AGBL3: variants seen among roughly 807,000 people sequenced by gnomAD.
AGBL3 encodes cytosolic carboxypeptidase 3.
AGBL3 carries 68 observed loss-of-function variants against 94.5 expected under a neutral mutation model. The observed-to-expected ratio is 0.72, with a 90% confidence interval of 0.59 to 0.88. The LOEUF (loss-of-function observed/expected upper bound fraction) is 0.88. AGBL3 is among the 40% of genes least tolerant of loss of function. AGBL3 has a pLI of 0.00. For missense variants in AGBL3, 934 were observed against 1,103.8 expected (o/e 0.85, Z 2.18); for synonymous variants, 354 against 370.7 (o/e 0.95, Z 0.52).
In AGBL3 at chr7:135,034,405, C is replaced by G; in HGVS notation, c.814C>G (p.Gln272Glu). 1.9e-6 allele frequency: 3 copies of G among 1,551,678 alleles called. No individual in the cohort carries two copies. Among genetic ancestry groups the G allele is most frequent in the Non-Finnish European group, 2.6e-6 (3 of 1,146,976 alleles). Residue 272 changes from glutamine to glutamate, a missense_variant, in exon 7 of 17, where the codon CAA becomes GAA. Coordinates refer to ENST00000436302, the MANE Select transcript of AGBL3 (RefSeq NM_178563.4). ...QIKYYRNNPG[Q>E]DGRHYFSLTW... ...CAAGTATTATAGGAACAACCCAGGC[C>G]AAGATGGGCGCCATTATTTCTCTCT...
At chr7:135,090,411 T>C (rs1821684819) in intron 15 of AGBL3, among the ~76,000 whole-genome samples, 1 of 152,122 alleles carries the variant, frequency 6.6e-6, no homozygotes, top group Non-Finnish European at 1.5e-5. Flanking sequence ...GGGTGGGGCA[T>C]CTCAGCTCAG....
At chr7:135,027,824 A>C (rs1815313278) in intron 5 of AGBL3, among the ~76,000 whole-genome samples, 1 of 151,704 alleles carries the variant, frequency 6.6e-6, no homozygotes, top group African/African-American at 2.4e-5. Context: ...CATTACATAC[A>C]TATAACAAAA....
chr7:134,989,352 T>C (rs1234259225), intron 3 of AGBL3, 42 bp downstream of exon 3: 1 of 1,346,240 alleles, frequency 7.4e-7, no homozygotes, highest in Non-Finnish European at 1.0e-6. Flanking sequence ...CATAAAACTT[T>C]GAATGGATAA....
At chr7:135,032,008 C>G (rs1815794107) in intron 5 of AGBL3, among the ~76,000 whole-genome samples, 1 of 152,092 alleles carries the variant, frequency 6.6e-6, no homozygotes, top group Non-Finnish European at 1.5e-5. Flanking sequence ...ATTTCAGCAG[C>G]CCCAAGCAAC....
intron 15 of AGBL3, among the ~76,000 whole-genome samples, chr7:135,096,791 G>GAAAGAAAGAAAGAA (rs1822964711): frequency 6.7e-6 from 1 of 148,690 alleles, no homozygotes; most frequent in Non-Finnish European, 1.5e-5. Flanking sequence ...AAGAAAGAAA[G>GAAAGAAAGAAAGAA]AAAAAGGGAA....
chr7:134,999,402 T>C (rs997807418), intron 4 of AGBL3, among the ~76,000 whole-genome samples: 1 of 152,222 alleles, frequency 6.6e-6, no homozygotes, highest in Non-Finnish European at 1.5e-5. Context: ...TCCGTCTCTC[T>C]TGAAGCATTT....
At chr7:135,073,555 A>C (rs1820167351) in intron 12 of AGBL3, among the ~76,000 whole-genome samples, 1 of 152,100 alleles carries the variant, frequency 6.6e-6, no homozygotes, top group African/African-American at 2.4e-5. Context: ...GCCGCAGACA[A>C]AACCCCTCAG....
At chr7:135,133,778 C>A (rs1474921742) in intron 16 of AGBL3, among the ~76,000 whole-genome samples, 1 of 151,954 alleles carries the variant, frequency 6.6e-6, no homozygotes, top group African/African-American at 2.4e-5. Flanking sequence ...ACAAAAAAAC[C>A]TGTGTGTATA....
intron 4 of AGBL3, among the ~76,000 whole-genome samples, chr7:134,994,821 A>G (rs1185713861): frequency 3.9e-5 from 6 of 152,220 alleles, no homozygotes; most frequent in African/African-American, 1.4e-4. Context: ...GGTTAAAAAT[A>G]TATTAAAGAA....
intron 5 of AGBL3, among the ~76,000 whole-genome samples, chr7:135,027,460 C>T (rs1815274635): frequency 6.6e-6 from 1 of 151,402 alleles, no homozygotes; most frequent in African/African-American, 2.4e-5. Context: ...ATGTATTTAC[C>T]ATTTCTTCTC....
At chr7:135,067,067 A>T (rs1256080827) in intron 12 of AGBL3, among the ~76,000 whole-genome samples, 1 of 152,218 alleles carries the variant, frequency 6.6e-6, no homozygotes, top group Non-Finnish European at 1.5e-5. Flanking sequence ...CGGTCTTAGC[A>T]AACAGCACAC....
rs117688156 is a variant in AGBL3 at position 134,990,914 on chromosome 7, G to A, written c.124+1604G>A. ...GGTTTTCCATTATTCATGCTATGCT[G>A]TGTAGATTCTGGGTCAGTGTATTTC... On this transcript the variant is annotated intron_variant, in intron 3 of 16. Coordinates refer to ENST00000436302, the MANE Select transcript of AGBL3 (RefSeq NM_178563.4). 4.4e-3 allele frequency among the ~76,000 whole-genome samples: 668 copies of A among 152,278 alleles called. 2 individuals carry two copies. Among genetic ancestry groups the A allele is most frequent in the Non-Finnish European group, 7.5e-3 (513 of 68,006 alleles).
chr7:135,027,695 G>T (rs1400224143), intron 5 of AGBL3, among the ~76,000 whole-genome samples: 1 of 151,084 alleles, frequency 6.6e-6, no homozygotes, highest in Non-Finnish European at 1.5e-5. Context: ...TTTTTCCATT[G>T]TCTTGTAGCC....
intron 3 of AGBL3, among the ~76,000 whole-genome samples, chr7:134,990,638 A>T (rs1300536184): frequency 1.3e-5 from 2 of 152,230 alleles, no homozygotes; most frequent in African/African-American, 4.8e-5. Flanking sequence ...GTTATATGCT[A>T]ACTATATACT....
rs189032734 is a variant in AGBL3, at chr7:135,045,865, G to A, written c.1795G>A (p.Asp599Asn). The A allele has an allele frequency of 3.9e-6, 6 of 1,550,702 alleles. No individual in the cohort carries two copies. The African/African-American group carries it at 8.2e-5, about 21-fold the overall frequency. ...RHITLEKVFE[D>N]SDTPVIDITL... The stretch of plus-strand genomic sequence containing the variant: ...TATAACCCTGGAAAAAGTCTTTGAG[G>A]ATTCAGACACACCTGTGATAGACAT... Residue 599 changes from aspartate to asparagine, a missense_variant, in exon 11 of 17, where the codon GAT becomes AAT. Asp to Asn is a conservative substitution (Grantham distance 23). Transcript: ENST00000436302.
At chr7:135,086,357 C>T (rs1360460922) in intron 15 of AGBL3, among the ~76,000 whole-genome samples, 1 of 151,898 alleles carries the variant, frequency 6.6e-6, no homozygotes, top group Non-Finnish European at 1.5e-5. Context: ...ACTTTCATTA[C>T]TATGTTGAAC....
At chr7:135,043,247 G>A (rs994440103) in intron 8 of AGBL3, among the ~76,000 whole-genome samples, 13 of 152,158 alleles carry the variant, frequency 8.5e-5, no homozygotes, top group Admixed American at 2.6e-4. Context: ...TACATATACA[G>A]AATGGGTACT....
intron 15 of AGBL3, chr7:135,092,914 T>C (rs374409233): frequency 1.3e-5 from 2 of 151,624 alleles, no homozygotes; most frequent in African/African-American, 2.4e-5. Flanking sequence ...TAATAGAATA[T>C]AAAGAAAAAG....
In AGBL3 at chr7:135,018,537, G is replaced by C. The variant is rs1007120439; in HGVS notation, c.418+1378G>C. On this transcript the variant is annotated intron_variant, in intron 5 of 16. Transcript: ENST00000436302. ...TTAATCTTATTTTTATGCCATACTT[G>C]GGAGTTGTGAAGATCTGCCTTTCCA... 3.3e-5 allele frequency among the ~76,000 whole-genome samples: 5 copies of C among 152,286 alleles called. No individual in the cohort carries two copies. The South Asian group carries it at 8.3e-4, about 25-fold the overall frequency.
Sources: allele counts gnomAD v4.1 joint callset (sites outside exome capture counted in the v4.1 genomes callset), GRCh38; gene constraint gnomAD v4.1.1; transcripts MANE v1.5; gene names NCBI Gene and HGNC (gene_info 2026-07-23, HGNC 2026-07-21).